Variants in KLHL1 observed in about 807,000 individuals in gnomAD.
KLHL1 encodes kelch like family member 1.
Under a neutral mutation model 77.7 loss-of-function variants are expected in KLHL1, and 47 were observed. That is an observed-to-expected ratio of 0.60 (90% CI 0.48 to 0.77). The LOEUF (loss-of-function observed/expected upper bound fraction) is 0.77, where lower values mean the gene tolerates loss of function less well. Ranked by LOEUF, KLHL1 falls within the 30% of genes least tolerant of loss-of-function variation. The pLI, the probability that KLHL1 is intolerant of heterozygous loss-of-function variation, is 0.00. For missense variants in KLHL1, 925 were observed against 910.8 expected (o/e 1.02, Z -0.20); for synonymous variants, 360 against 325.2 (o/e 1.11, Z -1.15).
At chr13:69,953,057 G>A (rs1487233450) in intron 3 of KLHL1, among the ~76,000 whole-genome samples, 1 of 151,198 alleles carries the variant, frequency 6.6e-6, no homozygotes, top group African/African-American at 2.4e-5. Context: ...AATACTGTGA[G>A]GCATAGCTAA....
intron 6 of KLHL1, among the ~76,000 whole-genome samples, chr13:69,836,959 T>C (rs1879017874): frequency 6.6e-6 from 1 of 151,932 alleles, no homozygotes; most frequent in South Asian, 2.1e-4. Flanking sequence ...TCAATTTCAC[T>C]ACTAAGAAGG....
intron 5 of KLHL1, among the ~76,000 whole-genome samples, chr13:69,851,250 G>T (rs1456206351): frequency 6.6e-6 from 1 of 151,580 alleles, no homozygotes; most frequent in Non-Finnish European, 1.5e-5. Flanking sequence ...AATTAGAAAA[G>T]GATATATTCA....
chr13:69,952,965 A>C (rs1290735222), intron 3 of KLHL1, among the ~76,000 whole-genome samples: 1 of 151,366 alleles, frequency 6.6e-6, no homozygotes, highest in African/African-American at 2.4e-5. Context: ...ACTGAAGTAA[A>C]ATAATGTTTT....
chr13:69,826,157 T>G (rs1878538361), intron 6 of KLHL1, among the ~76,000 whole-genome samples: 1 of 152,142 alleles, frequency 6.6e-6, no homozygotes, highest in Admixed American at 6.6e-5. Context: ...TGGTGGTTAT[T>G]AGGAGCTGAG....
At position 70,073,827 on chromosome 13, in the gene KLHL1, A is replaced by AT. The variant is rs753016733; in HGVS notation, c.497+33375dup. Among the ~76,000 whole-genome samples the AT allele has an allele frequency of 4.2e-3, 590 of 140,522 alleles. 6 individuals carry two copies. Among genetic ancestry groups the AT allele is most frequent in the East Asian group, 0.01 (48 of 4,702 alleles). The allele number at this position is 140,522 out of a possible 152,430, so 92.2% of individuals were successfully genotyped here. ...ATTGAAATGCAGGAGAGCAAACATA[A>AT]TTTTCTTTTTTTTTTGAGATGGAGT... On this transcript the variant is annotated intron_variant, in intron 1 of 10. Transcript: ENST00000377844.
At chr13:70,049,708 G>A (rs1886585676) in intron 1 of KLHL1, among the ~76,000 whole-genome samples, 1 of 151,668 alleles carries the variant, frequency 6.6e-6, no homozygotes, top group Admixed American at 6.6e-5. Flanking sequence ...AAAAAGAAAG[G>A]GCATTTTGGT....
At chr13:69,702,918 T>A (rs111818515) in intron 10 of KLHL1, among the ~76,000 whole-genome samples, 15 of 151,882 alleles carry the variant, frequency 9.9e-5, no homozygotes, top group East Asian at 1.9e-4. Context: ...CTTGTACTGT[T>A]ATCTCCATGA....
At chr13:69,729,162 C>T (rs373668322) in intron 8 of KLHL1, among the ~76,000 whole-genome samples, 10 of 152,184 alleles carry the variant, frequency 6.6e-5, no homozygotes, top group African/African-American at 1.9e-4. Context: ...CACACATCGA[C>T]GTTTATTCAC....
intron 1 of KLHL1, among the ~76,000 whole-genome samples, chr13:70,036,486 GCTTT>G (rs1886242053): frequency 6.6e-6 from 1 of 151,764 alleles, no homozygotes; most frequent in South Asian, 2.1e-4. Context: ...ATCAATCAAT[GCTTT>G]CTTTTATACT....
chr13:69,968,112 T>C (rs9572321), intron 2 of KLHL1, among the ~76,000 whole-genome samples: 93,321 of 151,346 alleles, frequency 0.62, 28,836 homozygotes, highest in South Asian at 0.65. Context: ...CCACAGATAC[T>C]CCAGCCTTCT....
At chr13:69,908,827 T>C (rs545774083) in intron 4 of KLHL1, among the ~76,000 whole-genome samples, 1 of 151,364 alleles carries the variant, frequency 6.6e-6, no homozygotes, top group South Asian at 2.1e-4. Flanking sequence ...TCCAGTAATG[T>C]AGAGTTTATT....
intron 1 of KLHL1, among the ~76,000 whole-genome samples, chr13:70,102,864 T>C (rs1029318004): frequency 6.6e-6 from 1 of 152,190 alleles, no homozygotes. Context: ...TTATATCAAA[T>C]ATTTATTCAT....
chr13:69,831,014 A>G (rs918277315), intron 6 of KLHL1, among the ~76,000 whole-genome samples: 2 of 149,818 alleles, frequency 1.3e-5, no homozygotes, highest in Non-Finnish European at 3.0e-5. Flanking sequence ...GCACAAACAG[A>G]CAATCAAAGA....
At chr13:69,767,356 C>G (rs1875356115) in intron 7 of KLHL1, among the ~76,000 whole-genome samples, 1 of 152,090 alleles carries the variant, frequency 6.6e-6, no homozygotes, top group South Asian at 2.1e-4. Context: ...AAATTTTACA[C>G]TTTCACAAAT....
chr13:69,738,497 C>G (rs1873854090), intron 8 of KLHL1, among the ~76,000 whole-genome samples: 1 of 151,968 alleles, frequency 6.6e-6, no homozygotes, highest in Non-Finnish European at 1.5e-5. Flanking sequence ...AACTAAGAAC[C>G]ATGATAAAAC....
Position 69,848,876 on chromosome 13 carries a change from G to T in KLHL1, c.1228-9714C>A, listed in dbSNP as rs918153813. 2.6e-5 allele frequency among the ~76,000 whole-genome samples: 4 copies of T among 151,464 alleles called. No homozygotes were observed. In the Admixed American group the frequency reaches 2.6e-4, roughly 10 times the overall value. On this transcript the variant is annotated intron_variant, in intron 5 of 10. Coordinates refer to ENST00000377844, the MANE Select transcript of KLHL1 (RefSeq NM_020866.3). ...ATAAGTAGAGCTCACAAAATTAACC[G>T]AAATGAAAGTTCTTATTAGCAACAA...
intron 7 of KLHL1, among the ~76,000 whole-genome samples, chr13:69,757,527 G>C (rs1874805247): frequency 6.6e-6 from 1 of 152,078 alleles, no homozygotes; most frequent in South Asian, 2.1e-4. Context: ...TTCTATTTTG[G>C]ATGCTTCAGT....
intron 7 of KLHL1, among the ~76,000 whole-genome samples, chr13:69,749,820 G>C (rs975485311): frequency 5.9e-5 from 9 of 151,878 alleles, no homozygotes; most frequent in Admixed American, 5.3e-4. Flanking sequence ...AATTTGTTCT[G>C]AAAAAGAAAT....
intron 1 of KLHL1, among the ~76,000 whole-genome samples, chr13:70,054,205 CAG>C (rs2137395778): frequency 6.6e-6 from 1 of 152,072 alleles, no homozygotes; most frequent in Admixed American, 6.5e-5. Flanking sequence ...TGCTAAGAGA[CAG>C]TAATAATATA....
Sources: allele counts gnomAD v4.1 joint callset (sites outside exome capture counted in the v4.1 genomes callset), GRCh38; gene constraint gnomAD v4.1.1; transcripts MANE v1.5; gene names NCBI Gene and HGNC (gene_info 2026-07-23, HGNC 2026-07-21).